The following BLTP1 variants were observed in gnomAD, a reference collection of about 807,000 sequenced individuals.
The protein encoded by BLTP1 is fragile site-associated protein.
chr4:122,360,565 T>C, the BLTP1 span, among the ~76,000 whole-genome samples: 1 of 152,242 alleles, frequency 6.6e-6, no homozygotes, highest in Admixed American at 6.5e-5. Flanking sequence ...TATTCAGACA[T>C]ATTTATGTCA....
At chr4:122,178,573 A>G in the BLTP1 span, among the ~76,000 whole-genome samples, 4 of 152,184 alleles carry the variant, frequency 2.6e-5, no homozygotes, top group Admixed American at 6.5e-5. Flanking sequence ...ACGCCAAGGC[A>G]TAAAGAGAAA....
At chr4:122,220,114 C>T in the BLTP1 span, among the ~76,000 whole-genome samples, 3 of 152,202 alleles carry the variant, frequency 2.0e-5, no homozygotes, top group South Asian at 2.1e-4. Context: ...GGTGTGTGTC[C>T]GGGTTGCAGT....
chr4:122,353,767 C>CATTT, the BLTP1 span: 2 of 1,555,944 alleles, frequency 1.3e-6, no homozygotes, highest in African/African-American at 2.8e-5. This position sits in a 1 kb window ranked among gnomAD's most constrained non-coding sequence, Gnocchi z 4.3. Flanking sequence ...CATCTTGAAT[C>CATTT]TAAATATGGT....
chr4:122,250,571 C>T, the BLTP1 span: 1 of 1,612,842 alleles, frequency 6.2e-7, no homozygotes. Flanking sequence ...TTCAGATGAA[C>T]AGGTTAGTGA....
chr4:122,208,007 G>T, the BLTP1 span: 1 of 985,176 alleles, frequency 1.0e-6, no homozygotes, highest in Non-Finnish European at 1.2e-6. Context: ...AGTAACCACA[G>T]TAGCTTTCTT....
the BLTP1 span, chr4:122,349,307 A>G: frequency 4.2e-5 from 68 of 1,611,946 alleles, no homozygotes; most frequent in Middle Eastern, 4.9e-4. The surrounding 1 kb of genome is among the most constrained non-coding windows in gnomAD (Gnocchi z 4.5). Flanking sequence ...AATGCTTTGG[A>G]GATGGTTGGT....
At chr4:122,286,429 A>T in the BLTP1 span, 2 of 1,505,914 alleles carry the variant, frequency 1.3e-6, no homozygotes, top group East Asian at 4.6e-5. Flanking sequence ...ATATTTCAAG[A>T]TAGGTTTGGG....
At chr4:122,156,455 G>C in the BLTP1 span, among the ~76,000 whole-genome samples, 1 of 152,158 alleles carries the variant, frequency 6.6e-6, no homozygotes, top group African/African-American at 2.4e-5. Flanking sequence ...AAAGGAATGA[G>C]TATTAGACAT....
chr4:122,240,277 G>A, the BLTP1 span: 10 of 1,613,842 alleles, frequency 6.2e-6, no homozygotes, highest in East Asian at 4.5e-5. Flanking sequence ...TCATTGCATC[G>A]TCCCCTTGAT....
the BLTP1 span, among the ~76,000 whole-genome samples, chr4:122,279,208 A>G: frequency 6.6e-6 from 1 of 152,174 alleles, no homozygotes; most frequent in Non-Finnish European, 1.5e-5. Context: ...TGTAAGCTGA[A>G]TCAATTGAAG....
the BLTP1 span, among the ~76,000 whole-genome samples, chr4:122,217,833 T>C: frequency 6.6e-6 from 1 of 152,176 alleles, no homozygotes; most frequent in Non-Finnish European, 1.5e-5. Context: ...TGTGAATCCA[T>C]CTGGTCCTGG....
the BLTP1 span, chr4:122,316,583 G>A: frequency 9.6e-7 from 1 of 1,044,404 alleles, no homozygotes; most frequent in Non-Finnish European, 1.4e-6. Flanking sequence ...TTATGAAATT[G>A]AAGGGATTTA....
chr4:122,306,649 A>T, the BLTP1 span: 4 of 955,884 alleles, frequency 4.2e-6, no homozygotes, highest in Non-Finnish European at 5.0e-6. Flanking sequence ...ATACAATAAG[A>T]ACGAAATAAA....
chr4:122,359,354 A>G, the BLTP1 span: 1 of 952,410 alleles, frequency 1.0e-6, no homozygotes, highest in South Asian at 4.9e-5. Context: ...AGCATTTTTT[A>G]TCATTAATGT....
chr4:122,299,981 A>G, the BLTP1 span: 13 of 948,766 alleles, frequency 1.4e-5, no homozygotes, highest in Non-Finnish European at 1.6e-5. Flanking sequence ...AAAGACACAT[A>G]TAGTTTATTC....
At chr4:122,229,023 T>C in the BLTP1 span, 1 of 1,005,652 alleles carries the variant, frequency 9.9e-7, no homozygotes, top group East Asian at 2.8e-5. Context: ...AATACATCAA[T>C]AACTAGATTT....
chr4:122,190,139 C>A, the BLTP1 span: 1 of 1,595,520 alleles, frequency 6.3e-7, no homozygotes, highest in African/African-American at 1.3e-5. Context: ...CTCTGTCACA[C>A]AGGCTGGAAT....
chr4:122,362,216 A>T, the BLTP1 span: 2 of 1,613,154 alleles, frequency 1.2e-6, no homozygotes, highest in Admixed American at 3.3e-5. Context: ...GATGAAAAGG[A>T]AAAGAAAGGC....
the BLTP1 span, chr4:122,198,495 A>G: frequency 1.5e-5 from 14 of 937,850 alleles, no homozygotes; most frequent in Non-Finnish European, 1.8e-5. Context: ...GATGATACAC[A>G]TAGGAAATAG....
Sources: gnomAD v4.1 joint callset for allele counts (sites outside exome capture counted in the v4.1 genomes callset) on GRCh38, gnomAD v4.1.1 for gene constraint, Gnocchi (gnomAD v3.1) non-coding constraint, MANE v1.5 for transcripts, NCBI Gene and HGNC (gene_info 2026-07-23, HGNC 2026-07-21) for gene names.